FRMD3: variants seen among roughly 807,000 people sequenced by gnomAD.
FRMD3 encodes the protein FERM domain containing 3.
FRMD3 carries 33 observed loss-of-function variants against 70.2 expected under a neutral mutation model. The ratio of observed to expected loss-of-function variants is 0.47; its 90% confidence interval spans 0.36 to 0.63. The LOEUF is 0.63. Ranked by LOEUF, FRMD3 falls within the 20% of genes least tolerant of loss-of-function variation. FRMD3 has a pLI of 0.00. For synonymous variants in FRMD3, 279 were observed against 255.9 expected (o/e 1.09, Z -0.86); for missense variants, 632 against 711.4 (o/e 0.89, Z 1.27).
intron 1 of FRMD3, among the ~76,000 whole-genome samples, chr9:83,517,516 A>C (rs926371867): frequency 4.7e-5 from 7 of 149,272 alleles, no homozygotes; most frequent in African/African-American, 1.5e-4. Flanking sequence ...AAAAAAAAAA[A>C]AACAACCTAG....
chr9:83,247,994 T>C lies in FRMD3; in HGVS notation c.1718A>G (p.Tyr573Cys), dbSNP rs1423674606. The change falls in exon 14 of 14, where the codon TAT becomes TGT. Residue 573 changes from tyrosine (Y) to cysteine (C), a missense_variant. By Grantham distance (194) the Tyr-to-Cys change is radical. This residue lies in a region of FRMD3 where 418 missense variants were observed against 442.1 expected (regional missense o/e 0.95). Coordinates refer to ENST00000304195, the MANE Select transcript of FRMD3 (RefSeq NM_174938.6). The part of the protein sequence containing the change: ...RQTPEFEQFH[Y>C]EYYCPLKEWV... ...CTCCTTGAGGGGACAGTAGTATTCA[T>C]AGTGAAACTGCTCAAACTCTGGTGT... 5 of 1,614,168 alleles carry C rather than the reference T, an allele frequency of 3.1e-6. 1 individual carries two copies. Among genetic ancestry groups the C allele is most frequent in the East Asian group, 4.5e-5 (2 of 44,864 alleles).
At chr9:83,556,124 T>G in the FRMD3 span, among the ~76,000 whole-genome samples, 2 of 152,050 alleles carry the variant, frequency 1.3e-5, no homozygotes, top group Admixed American at 1.3e-4. Context: ...ACTATCTACC[T>G]CTAGTCAGCC....
chr9:83,548,632 TATA>T, the FRMD3 span, among the ~76,000 whole-genome samples: 1 of 152,272 alleles, frequency 6.6e-6, no homozygotes, highest in South Asian at 2.1e-4. Flanking sequence ...TATTATTCTG[TATA>T]ATACTCCAGT....
At chr9:83,332,172 T>A (rs1178744320) in intron 6 of FRMD3, among the ~76,000 whole-genome samples, 1 of 152,228 alleles carries the variant, frequency 6.6e-6, no homozygotes, top group Non-Finnish European at 1.5e-5. Context: ...GAAATAGAGA[T>A]GATCGATAAC....
intron 1 of FRMD3, among the ~76,000 whole-genome samples, chr9:83,398,307 C>CTAG (rs1479492388): frequency 1.3e-5 from 2 of 152,270 alleles, no homozygotes; most frequent in African/African-American, 4.8e-5. Context: ...CAAACAGTAA[C>CTAG]TAGTATTAGA....
chr9:83,441,995 G>A (rs754685578), intron 1 of FRMD3, among the ~76,000 whole-genome samples: 4 of 152,148 alleles, frequency 2.6e-5, no homozygotes, highest in Non-Finnish European at 4.4e-5. Context: ...CATTGACCTA[G>A]TACAGCATAA....
chr9:83,399,471 A>G (rs1825892647), intron 1 of FRMD3, among the ~76,000 whole-genome samples: 1 of 141,292 alleles, frequency 7.1e-6, no homozygotes, highest in Non-Finnish European at 1.5e-5. Context: ...CCTGTGCTCA[A>G]AAGGTTCTTT....
chr9:83,539,026 A>G (rs1237137981), upstream of FRMD3, among the ~76,000 whole-genome samples: 1 of 152,220 alleles, frequency 6.6e-6, no homozygotes, highest in African/African-American at 2.4e-5. Context: ...TCTCCAAAAA[A>G]GAGCCTTCCA....
chr9:83,479,699 A>G (rs1486221887), intron 1 of FRMD3, among the ~76,000 whole-genome samples: 2 of 75,934 alleles, frequency 2.6e-5, no homozygotes, highest in African/African-American at 1.4e-4. Flanking sequence ...AAAGAAAGAA[A>G]GAAAGAAAGA....
downstream of FRMD3, among the ~76,000 whole-genome samples, chr9:83,244,103 G>A (rs1395686237): frequency 1.3e-5 from 2 of 150,812 alleles, no homozygotes; most frequent in Non-Finnish European, 2.9e-5. Context: ...ACTCCAGCCT[G>A]GGCAACAAGA....
chr9:83,514,617 G>C (rs1829414245), intron 1 of FRMD3, among the ~76,000 whole-genome samples: 1 of 152,152 alleles, frequency 6.6e-6, no homozygotes, highest in Non-Finnish European at 1.5e-5. Flanking sequence ...CTCTGCTAAG[G>C]GACAGACTGC....
chr9:83,439,261 G>A (rs2131390973), intron 1 of FRMD3, among the ~76,000 whole-genome samples: 1 of 152,342 alleles, frequency 6.6e-6, no homozygotes, highest in Admixed American at 6.5e-5. Context: ...GAGAGAGTTA[G>A]GACATTGGTT....
chr9:83,420,689 T>C (rs1826607331), intron 1 of FRMD3, among the ~76,000 whole-genome samples: 1 of 152,206 alleles, frequency 6.6e-6, no homozygotes, highest in Admixed American at 6.5e-5. Flanking sequence ...GTTTGAGTCA[T>C]GGGGATAGAT....
intron 1 of FRMD3, among the ~76,000 whole-genome samples, chr9:83,421,026 C>T (rs893619541): frequency 1.3e-5 from 2 of 148,756 alleles, no homozygotes; most frequent in Admixed American, 6.7e-5. Flanking sequence ...CTGCAAGCTC[C>T]GCCTCCCAGG....
At chr9:83,326,080 C>T (rs891021318) in intron 6 of FRMD3, among the ~76,000 whole-genome samples, 11 of 152,142 alleles carry the variant, frequency 7.2e-5, no homozygotes, top group African/African-American at 2.4e-4. Context: ...GAACCCTGAT[C>T]TGGGTCCAGA....
At chr9:83,497,978 T>A (rs1828979394) in intron 1 of FRMD3, among the ~76,000 whole-genome samples, 1 of 152,268 alleles carries the variant, frequency 6.6e-6, no homozygotes, top group Non-Finnish European at 1.5e-5. Flanking sequence ...TGAAACTTCG[T>A]CTCTACTAAA....
chr9:83,366,190 A>G (rs1824779478), intron 3 of FRMD3, among the ~76,000 whole-genome samples: 1 of 152,176 alleles, frequency 6.6e-6, no homozygotes, highest in Admixed American at 6.5e-5. Context: ...GAAGAAAAAA[A>G]AACAGTATGG....
intron 13 of FRMD3, among the ~76,000 whole-genome samples, chr9:83,270,089 T>A (rs903669827): frequency 3.9e-5 from 6 of 152,232 alleles, no homozygotes; most frequent in African/African-American, 1.4e-4. Context: ...AGCATTGTTC[T>A]GGTTCAGGCC....
chr9:83,318,629 A>AT (rs972900580), intron 6 of FRMD3, among the ~76,000 whole-genome samples: 2 of 152,002 alleles, frequency 1.3e-5, no homozygotes, highest in African/African-American at 4.8e-5. Context: ...ATGATGATTT[A>AT]TTTTCCTTTG....
Sources: gnomAD v4.1 joint callset for allele counts (sites outside exome capture counted in the v4.1 genomes callset) on GRCh38, gnomAD v4.1.1 for gene constraint, gnomAD v4.1.1 regional missense constraint, MANE v1.5 for transcripts, NCBI Gene and HGNC (gene_info 2026-07-23, HGNC 2026-07-21) for gene names.